SREBF1: variants seen among roughly 807,000 people sequenced by gnomAD.
SREBF1 encodes the protein sterol regulatory element binding transcription factor 1.
Under a neutral mutation model 100.1 loss-of-function variants are expected in SREBF1, and 45 were observed. The observed-to-expected ratio is 0.45, with a 90% CI of 0.35 to 0.58. SREBF1 has a LOEUF of 0.58. Ranked by LOEUF, SREBF1 falls within the 20% of genes least tolerant of loss-of-function variation. The probability of loss-of-function intolerance (pLI) is 0.00; values close to 1 mark genes in which losing one functional copy is unlikely to be tolerated. For synonymous variants in SREBF1, 657 were observed against 681.8 expected, an observed-to-expected ratio of 0.96 and a Z score of 0.57; for missense variants, 1,324 against 1,539.4, an observed-to-expected ratio of 0.86 and a Z score of 2.34.
At chr17:17,835,994 G>T (rs910785902) in intron 1 of SREBF1, among the ~76,000 whole-genome samples, 1 of 152,232 alleles carries the variant, frequency 6.6e-6, no homozygotes, top group African/African-American at 2.4e-5. Flanking sequence ...TCAGGTCTCA[G>T]CTTAGAAGTC....
At chr17:17,830,446 C>T (rs9902941) in intron 1 of SREBF1, among the ~76,000 whole-genome samples, 83,384 of 152,198 alleles carry the variant, frequency 0.55, 23,878 homozygotes, top group Non-Finnish European at 0.63. Context: ...TTTAGTACTG[C>T]TCCCTTTACA....
chr17:17,814,745 C>A lies in SREBF1; in HGVS notation c.2605G>T (p.Val869Leu). 6.2e-7 allele frequency: 1 copy of A among 1,611,168 alleles called. No homozygotes were observed. The highest frequency in any genetic ancestry group is 8.5e-7 in the Non-Finnish European group (1 of 1,179,418). The change falls in exon 15 of 19, where the codon GTA becomes TTA. Residue 869 changes from valine to leucine, a missense_variant and splice_region_variant. Coordinates refer to ENST00000261646, the MANE Select transcript of SREBF1 (RefSeq NM_004176.5). ...ISSSMATTTG[V>L]DPVAKWWASL... ...GCCCACCACTTGGCCACCGGGTCTACGCCTGCAGAAGAGGGAGGGTCCCCT... is the reference window on the plus strand; with the variant it reads ...GCCCACCACTTGGCCACCGGGTCTAAGCCTGCAGAAGAGGGAGGGTCCCCT...
chr17:17,825,657 G>C (rs1361988005), intron 1 of SREBF1, among the ~76,000 whole-genome samples: 1 of 148,326 alleles, frequency 6.7e-6, no homozygotes, highest in Non-Finnish European at 1.5e-5. Context: ...ACCCAGGCTG[G>C]AGTGCAGTGA....
chr17:17,819,860 G>A (rs2033955700), intron 2 of SREBF1, 135 bp from the exon 3 acceptor site: 2 of 1,295,742 alleles, frequency 1.5e-6, no homozygotes, highest in South Asian at 3.1e-5. Context: ...GTCCCTGCCT[G>A]GGCTCTGATG....
rs1365891477 is a variant in SREBF1 at position 17,811,703 on chromosome 17, T to C, written c.*919A>G. 2.2e-6 allele frequency: 1 copy of C among 454,570 alleles called. No individual in the cohort carries two copies. Among genetic ancestry groups the C allele is most frequent in the Non-Finnish European group, 4.4e-6 (1 of 226,124 alleles). 28.2% of individuals were successfully genotyped at this position (454,570 alleles called of 1,614,324 possible). A position where few individuals can be genotyped will look rare whatever the true frequency, so the allele number is the denominator to read the frequency against. ...TGGGGGAGGTGAGACGTGCCAGACTTCTTGCAGGGAGACCCAAGCTGTAGC... is the reference window on the plus strand; with the variant it reads ...TGGGGGAGGTGAGACGTGCCAGACTCCTTGCAGGGAGACCCAAGCTGTAGC... On this transcript the variant is annotated 3_prime_UTR_variant, in exon 19 of 19. Transcript: ENST00000261646.
At chr17:17,823,663 GC>G (rs763239818) in intron 1 of SREBF1, 341 of 1,154,338 alleles carry the variant, frequency 3.0e-4, no homozygotes, top group East Asian at 1.2e-3. Context: ...CGCCCGCCCC[GC>G]CCCGCCCCGC....
rs747986866 is a variant in SREBF1 at position 17,814,255 on chromosome 17, G to A, written c.2891C>T (p.Ser964Phe). Reference sequence around the variant, plus strand: ...GACCCCACCCCTCACCTTGTCAATGGAGCTGCTGGCTGGTGTGGTAGCCAG... The same window carrying A: ...GACCCCACCCCTCACCTTGTCAATGAAGCTGCTGGCTGGTGTGGTAGCCAG... ...DSLATTPASS[S>F]IDKAVQLFLC... The change falls in exon 16 of 19, where the codon TCC becomes TTC. Residue 964 changes from serine (S) to phenylalanine (F), a missense_variant. Ser to Phe is a radical substitution (Grantham distance 155, BLOSUM62 -2). Coordinates refer to ENST00000261646, the MANE Select transcript of SREBF1 (RefSeq NM_004176.5). 6.2e-7 allele frequency: 1 copy of A among 1,606,116 alleles called. No individual in the cohort carries two copies. The highest frequency in any genetic ancestry group is 8.5e-7 in the Non-Finnish European group (1 of 1,177,278).
chr17:17,827,100 G>A (rs1383506669), intron 1 of SREBF1, among the ~76,000 whole-genome samples: 1 of 152,214 alleles, frequency 6.6e-6, no homozygotes, highest in Non-Finnish European at 1.5e-5. Flanking sequence ...CCGGAAGGGA[G>A]GGCAGAAGAA....
intron 2 of SREBF1, 120 bp downstream of exon 2, chr17:17,819,970 G>T (rs1352610509): frequency 5.7e-6 from 7 of 1,237,848 alleles, no homozygotes; most frequent in Non-Finnish European, 7.7e-6. Flanking sequence ...TCAAGCAGCC[G>T]AGTGGAGCCC....
At chr17:17,818,470 T>A in intron 5 of SREBF1, 96 bp from the exon 6 acceptor site, 1 of 842,976 alleles carries the variant, frequency 1.2e-6, no homozygotes, top group Non-Finnish European at 2.0e-6. Flanking sequence ...CGGAGCTGCT[T>A]TGCAACATTA....
chr17:17,833,653 GATAC>G (rs2035045028), intron 1 of SREBF1, among the ~76,000 whole-genome samples: 1 of 151,652 alleles, frequency 6.6e-6, no homozygotes, highest in African/African-American at 2.4e-5. Flanking sequence ...TAAATTTTGT[GATAC>G]ATAAAGTATA....
intron 1 of SREBF1, among the ~76,000 whole-genome samples, chr17:17,828,188 C>T (rs1164563213): frequency 6.6e-6 from 1 of 152,222 alleles, no homozygotes; most frequent in Non-Finnish European, 1.5e-5. Context: ...CCTCCCTTTC[C>T]CTGCCTGCTT....
chr17:17,815,189 C>A, intron 13 of SREBF1, 32 bp downstream of exon 13: 1 of 1,589,720 alleles, frequency 6.3e-7, no homozygotes, highest in Admixed American at 1.7e-5. Flanking sequence ...GCCGGAGGGG[C>A]CTTGCCTGGA....
chr17:17,811,668 G>C lies in SREBF1; in HGVS notation c.*954C>G, dbSNP rs2032862640. On this transcript the variant is annotated 3_prime_UTR_variant, in exon 19 of 19. Coordinates refer to ENST00000261646, the MANE Select transcript of SREBF1 (RefSeq NM_004176.5). ...AGGCTTCTTTGCTGTGAGATGACCAGGGGCCGGGATGGGGGAGGTGAGACG... is the reference window on the plus strand; with the variant it reads ...AGGCTTCTTTGCTGTGAGATGACCACGGGCCGGGATGGGGGAGGTGAGACG... 2 of 452,082 alleles carry C rather than the reference G, an allele frequency of 4.4e-6. No homozygotes were observed. The highest frequency in any genetic ancestry group is 8.9e-6 in the Non-Finnish European group (2 of 225,280). The allele number at this position is 452,082 out of a possible 1,614,324, so 28.0% of individuals were successfully genotyped here.
chr17:17,825,701 G>A (rs1049396314), intron 1 of SREBF1, among the ~76,000 whole-genome samples: 2 of 149,182 alleles, frequency 1.3e-5, no homozygotes, highest in Admixed American at 1.4e-4. Context: ...TCTACCTCCC[G>A]GGTTCAAGTG....
At position 17,819,714 on chromosome 17, in the gene SREBF1, C is replaced by T. The variant is rs755969074; in HGVS notation, c.535G>A (p.Gly179Arg). The T allele has an allele frequency of 5.0e-6, 8 of 1,604,248 alleles. No homozygotes were observed. The highest frequency in any genetic ancestry group is 2.2e-5 in the South Asian group (2 of 90,406). ...PGGFSTGSPP[G>R]NTQQPLPGLP... The stretch of plus-strand genomic sequence containing the variant: ...CCAGGCAGCGGCTGCTGGGTGTTCC[C>T]GGGAGGGCTTCCTGCAGAAATAAAG... The change falls in exon 3 of 19, where the codon GGG becomes AGG. Residue 179 changes from glycine to arginine, a missense_variant. Transcript: ENST00000261646.
intron 1 of SREBF1, among the ~76,000 whole-genome samples, chr17:17,829,205 A>AAAAAAAAAAAAAAAAAAAAAT (rs1210718799): frequency 1.5e-5 from 1 of 65,874 alleles, no homozygotes; most frequent in African/African-American, 8.8e-5. Context: ...AAAAAAAAAA[A>AAAAAAAAAAAAAAAAAAAAAT]ATATATATAT....
intron 1 of SREBF1, among the ~76,000 whole-genome samples, chr17:17,832,852 C>T (rs1197818150): frequency 1.3e-5 from 2 of 151,492 alleles, no homozygotes; most frequent in Admixed American, 1.3e-4. Context: ...ACCCGGGAGG[C>T]GGAGTTTGCA....
chr17:17,836,847 C>T lies in SREBF1; in HGVS notation c.-30G>A, dbSNP rs2035275184. On this transcript the variant is annotated 5_prime_UTR_variant, in exon 1 of 19. Transcript: ENST00000261646. The stretch of plus-strand genomic sequence containing the variant: ...CAGCCGCCTCCTCCGGGAGGCCCGC[C>T]GGGCCCGCCGCCTCGTACGGCCCTT... 5.4e-6 allele frequency: 8 copies of T among 1,478,336 alleles called. No homozygotes were observed. Among genetic ancestry groups the T allele is most frequent in the Non-Finnish European group, 7.2e-6 (8 of 1,111,292 alleles). The allele number at this position is 1,478,336 out of a possible 1,614,324, so 91.6% of individuals were successfully genotyped here. A position where few individuals can be genotyped will look rare whatever the true frequency, so the allele number is the denominator to read the frequency against.
Sources: gnomAD v4.1 joint callset for allele counts (sites outside exome capture counted in the v4.1 genomes callset) on GRCh38, gnomAD v4.1.1 for gene constraint, MANE v1.5 for transcripts, NCBI Gene and HGNC (gene_info 2026-07-23, HGNC 2026-07-21) for gene names.